TBXA2R: variants seen among roughly 807,000 people sequenced by gnomAD.
TBXA2R encodes the protein thromboxane A2 receptor.
TBXA2R carries 15 observed loss-of-function variants against 15.6 expected under a neutral mutation model. The ratio of observed to expected loss-of-function variants is 0.96; its 90% CI spans 0.64 to 1.48. The LOEUF (loss-of-function observed/expected upper bound fraction) is 1.48. Ranked by LOEUF, TBXA2R falls within the 40% of genes most tolerant of loss-of-function variation. The pLI, the probability that TBXA2R is intolerant of heterozygous loss-of-function variation, is 0.00. For synonymous variants in TBXA2R, 280 were observed against 241.2 expected (o/e 1.16, Z -1.49); for missense variants, 506 against 491.4 (o/e 1.03, Z -0.28).
At chr19:3,604,362 C>T (rs2032791871) in intron 1 of TBXA2R, among the ~76,000 whole-genome samples, 1 of 152,184 alleles carries the variant, frequency 6.6e-6, no homozygotes, top group African/African-American at 2.4e-5. Flanking sequence ...GAGGCCCGGG[C>T]GCTGGGCTGG....
intron 2 of TBXA2R, among the ~76,000 whole-genome samples, chr19:3,598,534 T>C (rs575481912): frequency 4.1e-4 from 62 of 151,498 alleles, no homozygotes; most frequent in African/African-American, 1.5e-3. Flanking sequence ...TTAGTTTTAG[T>C]AGAGATGGGG....
chr19:3,604,061 C>G (rs2032785490), intron 1 of TBXA2R, among the ~76,000 whole-genome samples: 1 of 152,170 alleles, frequency 6.6e-6, no homozygotes, highest in South Asian at 2.1e-4. Context: ...GACGTTTGCC[C>G]TCAGCGGGTT....
Position 3,595,901 on chromosome 19 carries a change from C to T in TBXA2R, c.819G>A (p.Pro273=), listed in dbSNP as rs199571783. Residue 273 remains proline, a synonymous_variant, in exon 3 of 3, where the codon CCG becomes CCA. Coordinates refer to ENST00000375190, the MANE Select transcript of TBXA2R (RefSeq NM_001060.6). ...VFIAQTVLRN[P]PAMSPAGQLS... ...GCTGCCCGGCGGGGCTCATGGCAGGCGGGTTTCGCAGCACTGTCTGGGCGA... is the reference window on the plus strand; with the variant it reads ...GCTGCCCGGCGGGGCTCATGGCAGGTGGGTTTCGCAGCACTGTCTGGGCGA... 1.3e-5 allele frequency: 21 copies of T among 1,602,842 alleles called. No homozygotes were observed. The highest frequency in any genetic ancestry group is 2.7e-5 in the African/African-American group (2 of 74,758).
chr19:3,603,923 G>C (rs746727005), intron 1 of TBXA2R, among the ~76,000 whole-genome samples: 6 of 152,280 alleles, frequency 3.9e-5, no homozygotes, highest in South Asian at 2.1e-4. Flanking sequence ...GCCCCCACGC[G>C]GTGGGGCAGT....
In TBXA2R at chr19:3,600,568, G is replaced by C. The variant is rs199924767; in HGVS notation, c.67C>G (p.Arg23Gly). 28 of 1,612,162 alleles carry C rather than the reference G, an allele frequency of 1.7e-5. No individual in the cohort carries two copies. Among genetic ancestry groups the C allele is most frequent in the Non-Finnish European group, 2.1e-5 (25 of 1,179,214 alleles). Reference sequence around the variant, plus strand: ...GCGAACCAGGGCGAGGCGATCAGCCGTCTCTCCTCCAGGGTAATGTTTGTG... The same window carrying C: ...GCGAACCAGGGCGAGGCGATCAGCCCTCTCTCCTCCAGGGTAATGTTTGTG... Reference protein sequence around the residue: ...RPTNITLEERRLIASPWFAAS... With the variant: ...RPTNITLEERGLIASPWFAAS... The change falls in exon 2 of 3, where the codon CGG becomes GGG. Residue 23 changes from arginine to glycine, a missense_variant. Physicochemically the swap from Arg to Gly is moderately radical, Grantham distance 125. Coordinates refer to ENST00000375190, the MANE Select transcript of TBXA2R (RefSeq NM_001060.6).
At position 3,595,585 on chromosome 19, in the gene TBXA2R, C is replaced by T. The variant is rs998246340; in HGVS notation, c.*103G>A. On this transcript the variant is annotated 3_prime_UTR_variant, in exon 3 of 3. Transcript: ENST00000375190. ...AACCCTGCTGCTGATGCCCACTGTCCATCCAGCACCCCCAGCCCCTGAATC... is the reference window on the plus strand; with the variant it reads ...AACCCTGCTGCTGATGCCCACTGTCTATCCAGCACCCCCAGCCCCTGAATC... 1 of 1,460,904 alleles carries T rather than the reference C, an allele frequency of 6.8e-7. No homozygotes were observed. The highest frequency in any genetic ancestry group is 9.0e-7 in the Non-Finnish European group (1 of 1,105,578). The allele number at this position is 1,460,904 out of a possible 1,614,324, so 90.5% of individuals were successfully genotyped here.
intron 2 of TBXA2R, among the ~76,000 whole-genome samples, chr19:3,596,803 G>C (rs968634864): frequency 6.6e-6 from 1 of 150,488 alleles, no homozygotes; most frequent in Admixed American, 6.6e-5. Context: ...GGATGGTCTC[G>C]ATCTCCTGAC....
rs942917855 is a variant in TBXA2R, at chr19:3,600,829, T to TTG, written c.-83-113_-83-112insCA. 8 of 533,320 alleles carry TTG rather than the reference T, an allele frequency of 1.5e-5. 1 individual carries two copies. The highest frequency in any genetic ancestry group is 1.0e-4 in the South Asian group (4 of 39,156). The allele number at this position is 533,320 out of a possible 1,614,324, so 33.0% of individuals were successfully genotyped here. A position where few individuals can be genotyped will look rare whatever the true frequency, so the allele number is the denominator to read the frequency against. ...CCCAGCTCAAATATCCTCTCCGGTTTTTTTTTTTTTTTTTTTTGAGACAGA... is the reference window on the plus strand; with the variant it reads ...CCCAGCTCAAATATCCTCTCCGGTTTTGTTTTTTTTTTTTTTTTTGAGACAGA... On this transcript the variant is annotated intron_variant, in intron 1 of 2. Transcript: ENST00000375190.
At chr19:3,596,606 C>T (rs1428568568) in intron 2 of TBXA2R, among the ~76,000 whole-genome samples, 1 of 151,494 alleles carries the variant, frequency 6.6e-6, no homozygotes, top group African/African-American at 2.4e-5. Context: ...GGTGACAGAG[C>T]AAGATCCTGT....
rs946441184 is a variant in TBXA2R, at chr19:3,600,539, G to A, written c.96C>T (p.Ala32=). The part of the protein sequence containing the change: ...RRLIASPWFA[A]SFCVVGLASN... ...AGGCCAGGCCCACCACGCAGAAGGAGGCGGCGAACCAGGGCGAGGCGATCA... is the reference window on the plus strand; with the variant it reads ...AGGCCAGGCCCACCACGCAGAAGGAAGCGGCGAACCAGGGCGAGGCGATCA... Residue 32 remains alanine, a synonymous_variant, in exon 2 of 3, where the codon GCC becomes GCT. Coordinates refer to ENST00000375190, the MANE Select transcript of TBXA2R (RefSeq NM_001060.6). 3 of 1,611,942 alleles carry A rather than the reference G, an allele frequency of 1.9e-6. No homozygotes were observed. Among genetic ancestry groups the A allele is most frequent in the African/African-American group, 2.7e-5 (2 of 74,876 alleles).
intron 2 of TBXA2R, chr19:3,597,864 G>A (rs2032633033): frequency 1.3e-5 from 2 of 152,190 alleles, no homozygotes; most frequent in Admixed American, 1.3e-4. Flanking sequence ...AACCTGGGAG[G>A]CGGAGCTTGC....
intron 1 of TBXA2R, among the ~76,000 whole-genome samples, chr19:3,603,923 G>A (rs746727005): frequency 2.9e-4 from 44 of 152,282 alleles, no homozygotes; most frequent in Non-Finnish European, 5.3e-4. Flanking sequence ...GCCCCCACGC[G>A]GTGGGGCAGT....
intron 1 of TBXA2R, among the ~76,000 whole-genome samples, chr19:3,604,211 G>C (rs2032788628): frequency 6.6e-6 from 1 of 151,660 alleles, no homozygotes; most frequent in South Asian, 2.1e-4. Flanking sequence ...CTGGGTCCCG[G>C]GTTCCAGAAA....
At position 3,596,062 on chromosome 19, in the gene TBXA2R, T is replaced by C. The variant is rs547071977; in HGVS notation, c.787-129A>G. ...TTTTATTTTTGAGACAGGGTCTCAC[T>C]CTGTCGTCCAGGCTGGAGTGCAGTG... On this transcript the variant is annotated intron_variant, in intron 2 of 2. Coordinates refer to ENST00000375190, the MANE Select transcript of TBXA2R (RefSeq NM_001060.6). 1.3e-4 allele frequency: 156 copies of C among 1,215,110 alleles called. No homozygotes were observed. The African/African-American group carries it at 2.1e-3, about 16-fold the overall frequency. The allele number at this position is 1,215,110 out of a possible 1,614,324, so 75.3% of individuals were successfully genotyped here. A position where few individuals can be genotyped will look rare whatever the true frequency, so the allele number is the denominator to read the frequency against.
In TBXA2R at chr19:3,594,906, T is replaced by C. The variant is rs200222934; in HGVS notation, c.*782A>G. The C allele has an allele frequency of 1.9e-5, 29 of 1,536,560 alleles. No individual in the cohort carries two copies. Among genetic ancestry groups the C allele is most frequent in the Non-Finnish European group, 2.4e-5 (28 of 1,146,830 alleles). ...AAGCAACTGTACCCCAGCAAGTAGGTCAAATTCAGGGTCAAAGAGCATGCA... is the reference window on the plus strand; with the variant it reads ...AAGCAACTGTACCCCAGCAAGTAGGCCAAATTCAGGGTCAAAGAGCATGCA... On this transcript the variant is annotated 3_prime_UTR_variant, in exon 3 of 3. Transcript: ENST00000375190.
At chr19:3,598,593 C>T (rs141942035) in intron 2 of TBXA2R, among the ~76,000 whole-genome samples, 1 of 151,956 alleles carries the variant, frequency 6.6e-6, no homozygotes, top group African/African-American at 2.4e-5. Context: ...CTCAGGTGAT[C>T]CGCCTGTCTC....
chr19:3,602,992 C>G, intron 1 of TBXA2R, among the ~76,000 whole-genome samples: 1 of 151,252 alleles, frequency 6.6e-6, no homozygotes, highest in South Asian at 2.1e-4. Flanking sequence ...GCTGAGATCG[C>G]GCCACTGCCC....
intron 1 of TBXA2R, among the ~76,000 whole-genome samples, chr19:3,605,610 A>G (rs1317416443): frequency 6.6e-6 from 1 of 151,674 alleles, no homozygotes; most frequent in Non-Finnish European, 1.5e-5. Flanking sequence ...ATAGACACAC[A>G]CAGAAACACC....
At position 3,600,454 on chromosome 19, in the gene TBXA2R, A is replaced by G. The variant is rs1325031445; in HGVS notation, c.181T>C (p.Ser61Pro). The change falls in exon 2 of 3, where the codon TCC (serine) becomes CCC (proline). Residue 61 changes from serine to proline, a missense_variant. Physicochemically the swap from Ser to Pro is moderately conservative, Grantham distance 74. Coordinates refer to ENST00000375190, the MANE Select transcript of TBXA2R (RefSeq NM_001060.6). The part of the protein sequence containing the change: ...GARQGGSHTR[S>P]SFLTFLCGLV... Reference sequence around the variant, plus strand: ...CCGCAGAGGAAGGTGAGGAAGGAGGAGCGCGTGTGCGAACCCCCCTGCCGC... The same window carrying G: ...CCGCAGAGGAAGGTGAGGAAGGAGGGGCGCGTGTGCGAACCCCCCTGCCGC... 4 of 1,612,766 alleles carry G rather than the reference A, an allele frequency of 2.5e-6. No individual in the cohort carries two copies. The highest frequency in any genetic ancestry group is 3.4e-6 in the Non-Finnish European group (4 of 1,179,674).
Sources: gnomAD v4.1 joint callset for allele counts (sites outside exome capture counted in the v4.1 genomes callset) on GRCh38, gnomAD v4.1.1 for gene constraint, MANE v1.5 for transcripts, NCBI Gene and HGNC (gene_info 2026-07-23, HGNC 2026-07-21) for gene names.